Variants in IFT88 observed in about 807,000 individuals in gnomAD.
IFT88 encodes intraflagellar transport 88, also known as intraflagellar transport protein 88 homolog.
A neutral mutation model predicts 119.5 loss-of-function variants in IFT88; 74 were observed. That is an observed-to-expected ratio of 0.62 (90% confidence interval 0.51 to 0.75). IFT88 has a LOEUF of 0.75. Among genes scored for constraint, IFT88 ranks in the 30% least tolerant of loss-of-function variants. The probability of loss-of-function intolerance (pLI) is 0.00; values close to 1 mark genes in which losing one functional copy is unlikely to be tolerated. For missense variants in IFT88, 961 were observed against 977.7 expected (o/e 0.98, Z 0.23); for synonymous variants, 279 against 316.7 (o/e 0.88, Z 1.26).
At chr13:20,655,908 T>C (rs1301895245) in intron 21 of IFT88, among the ~76,000 whole-genome samples, 1 of 152,184 alleles carries the variant, frequency 6.6e-6, no homozygotes, top group Admixed American at 6.5e-5. Context: ...TGGAATAATC[T>C]TTTTTAGAAA....
At chr13:20,590,605 T>G (rs1234091070) in intron 4 of IFT88, among the ~76,000 whole-genome samples, 2 of 152,286 alleles carry the variant, frequency 1.3e-5, no homozygotes, top group Non-Finnish European at 2.9e-5. Flanking sequence ...TTTGGTGGTG[T>G]TTCAGAAAAA....
At chr13:20,675,265 C>T (rs903783846) in intron 24 of IFT88, among the ~76,000 whole-genome samples, 1 of 151,924 alleles carries the variant, frequency 6.6e-6, no homozygotes, top group Admixed American at 6.6e-5. Flanking sequence ...CTTGAGAGGC[C>T]GGGGGGCGGG....
At chr13:20,664,305 G>A (rs1433623840) in intron 23 of IFT88, among the ~76,000 whole-genome samples, 2 of 152,172 alleles carry the variant, frequency 1.3e-5, no homozygotes. Flanking sequence ...AGAGAAACTA[G>A]TCCTCTTTCT....
intron 14 of IFT88, among the ~76,000 whole-genome samples, chr13:20,616,194 G>A (rs147195721): frequency 5.1e-4 from 78 of 152,250 alleles, no homozygotes; most frequent in African/African-American, 1.8e-3. Flanking sequence ...TAGCTGTCTC[G>A]AAATTGTAGC....
intron 13 of IFT88, among the ~76,000 whole-genome samples, 185 bp downstream of exon 13, chr13:20,605,290 T>A (rs2043235603): frequency 6.6e-6 from 1 of 152,232 alleles, no homozygotes; most frequent in Non-Finnish European, 1.5e-5. Context: ...AATAGTGCTA[T>A]TATTTCACCA....
chr13:20,603,508 T>A (rs1263449102), intron 12 of IFT88, among the ~76,000 whole-genome samples: 1 of 152,176 alleles, frequency 6.6e-6, no homozygotes, highest in Non-Finnish European at 1.5e-5. Flanking sequence ...CTTTTATATA[T>A]GTAATGGGAT....
intron 24 of IFT88, among the ~76,000 whole-genome samples, chr13:20,681,891 C>G (rs2057362919): frequency 6.6e-6 from 1 of 152,246 alleles, no homozygotes; most frequent in Non-Finnish European, 1.5e-5. Context: ...GAATAAGAAG[C>G]TTTACCATTA....
At chr13:20,606,108 G>A (rs9552251) in intron 13 of IFT88, among the ~76,000 whole-genome samples, 34,488 of 152,096 alleles carry the variant, frequency 0.23, 5,344 homozygotes, top group East Asian at 0.7. Flanking sequence ...GGAATTAAAA[G>A]TACAACTGGG....
chr13:20,644,254 C>G (rs899159919), intron 19 of IFT88, among the ~76,000 whole-genome samples: 12 of 152,100 alleles, frequency 7.9e-5, no homozygotes, highest in Non-Finnish European at 1.5e-4. Flanking sequence ...AATCCCAGCA[C>G]TTTGGGAGGC....
At chr13:20,622,516 CCTTT>C (rs1196044424) in intron 14 of IFT88, among the ~76,000 whole-genome samples, 1 of 152,174 alleles carries the variant, frequency 6.6e-6, no homozygotes, top group Non-Finnish European at 1.5e-5. Flanking sequence ...TCAATTTTGG[CCTTT>C]CTAATAAGCG....
intron 24 of IFT88, among the ~76,000 whole-genome samples, chr13:20,677,868 A>G (rs915403301): frequency 6.6e-6 from 1 of 152,242 alleles, no homozygotes; most frequent in Non-Finnish European, 1.5e-5. Context: ...AGTAAGAACC[A>G]CTATATTCAT....
intron 2 of IFT88, among the ~76,000 whole-genome samples, chr13:20,578,694 C>T (rs1303391478): frequency 5.3e-5 from 8 of 151,922 alleles, no homozygotes; most frequent in Non-Finnish European, 1.0e-4. Context: ...GGATTACAGG[C>T]ATGTGCCACC....
At chr13:20,569,200 T>A (rs1239862742) in intron 1 of IFT88, among the ~76,000 whole-genome samples, 3 of 152,184 alleles carry the variant, frequency 2.0e-5, no homozygotes, top group Non-Finnish European at 4.4e-5. Flanking sequence ...ATTCTTGACC[T>A]TAGATTAGGC....
At chr13:20,586,458 T>C (rs115798994) in intron 3 of IFT88, among the ~76,000 whole-genome samples, 224 of 152,270 alleles carry the variant, frequency 1.5e-3, no homozygotes, top group African/African-American at 5.2e-3. Context: ...TTACCACTAG[T>C]TGGGAAAGTC....
At chr13:20,648,586 CA>C in intron 20 of IFT88, among the ~76,000 whole-genome samples, 1 of 151,158 alleles carries the variant, frequency 6.6e-6, no homozygotes, top group Non-Finnish European at 1.5e-5. Flanking sequence ...AACAAAATAC[CA>C]AAAAAGAGTA....
chr13:20,621,417 A>T (rs945353950), intron 14 of IFT88, among the ~76,000 whole-genome samples: 1 of 151,922 alleles, frequency 6.6e-6, no homozygotes, highest in African/African-American at 2.4e-5. Flanking sequence ...AGCAGGCAGT[A>T]TAAGTCCTCC....
chr13:20,598,757 A>G lies in IFT88; in HGVS notation c.697+4A>G, dbSNP rs1316693093. 2 of 1,533,378 alleles carry G rather than the reference A, an allele frequency of 1.3e-6. No homozygotes were observed. Among genetic ancestry groups the G allele is most frequent in the Non-Finnish European group, 9.0e-7 (1 of 1,108,846 alleles). The allele number at this position is 1,533,378 out of a possible 1,614,324, so 95.0% of individuals were successfully genotyped here. A position where few individuals can be genotyped will look rare whatever the true frequency, so the allele number is the denominator to read the frequency against. On this transcript the variant is annotated splice_donor_region_variant and intron_variant, in intron 10 of 25. Coordinates refer to ENST00000351808, the MANE Select transcript of IFT88 (RefSeq NM_006531.5). ...AATAAGATGTTTAGCAATGCAGGTA[A>G]GTGTACATAATCAGTTTTTCCAATA...
At chr13:20,585,377 A>G (rs2039480599) in intron 3 of IFT88, among the ~76,000 whole-genome samples, 1 of 152,242 alleles carries the variant, frequency 6.6e-6, no homozygotes, top group Non-Finnish European at 1.5e-5. Context: ...AGAGATGCAT[A>G]GAGCAGGGCC....
rs746935260 is a variant in IFT88, at chr13:20,643,466, T to A, written c.1694T>A (p.Met565Lys). Residue 565 changes from methionine (M) to lysine (K), a missense_variant, in exon 19 of 26, where the codon ATG becomes AAG. Transcript: ENST00000351808. ...LYQIANIYEL[M>K]ENPSQAIEWL... is the part of the protein sequence containing the mutation. ...TGACATTGCATAAGATATGAATTAA[T>A]GGAAAATCCCAGTCAAGCTATTGAA... The A allele has an allele frequency of 2.5e-6, 4 of 1,597,112 alleles. No homozygotes were observed. In the Admixed American group the frequency reaches 7.3e-5, roughly 29 times the overall value.
Sources: allele counts gnomAD v4.1 joint callset (sites outside exome capture counted in the v4.1 genomes callset), GRCh38; gene constraint gnomAD v4.1.1; transcripts MANE v1.5; gene names NCBI Gene and HGNC (gene_info 2026-07-23, HGNC 2026-07-21).